Variants in KIF1B observed in about 807,000 individuals in gnomAD.
KIF1B encodes the protein kinesin family member 1B.
KIF1B carries 76 observed loss-of-function variants against 241.9 expected under a neutral mutation model. The observed-to-expected ratio is 0.31, with a 90% CI of 0.26 to 0.38. KIF1B has a LOEUF of 0.38. KIF1B is among the 10% of genes least tolerant of loss of function. The pLI, the probability that KIF1B is intolerant of heterozygous loss-of-function variation, is 1.00. For missense variants in KIF1B, 1,622 were observed against 2,271.4 expected (o/e 0.71, Z 5.81); for synonymous variants, 750 against 796.7 (o/e 0.94, Z 0.99).
chr1:10,304,445 T>G, intron 22 of KIF1B: 1 of 1,611,854 alleles, frequency 6.2e-7, no homozygotes, highest in East Asian at 2.2e-5. Context: ...GTACAGACTT[T>G]CCAGGCAAAG....
chr1:10,248,273 C>A (rs1001797211), intron 2 of KIF1B, among the ~76,000 whole-genome samples: 1 of 151,736 alleles, frequency 6.6e-6, no homozygotes, highest in Non-Finnish European at 1.5e-5. Context: ...AGTAACGGCT[C>A]ACTGTAGCTT....
intron 1 of KIF1B, among the ~76,000 whole-genome samples, chr1:10,218,445 G>A (rs1327661428): frequency 8.6e-5 from 13 of 150,750 alleles, no homozygotes; most frequent in Admixed American, 6.6e-4. Context: ...TTTTGAGACA[G>A]AGTCTCGCTC....
intron 2 of KIF1B, among the ~76,000 whole-genome samples, chr1:10,238,289 G>A (rs1473631936): frequency 1.3e-5 from 2 of 148,808 alleles, no homozygotes; most frequent in Non-Finnish European, 3.0e-5. Flanking sequence ...GCTGAGGCAG[G>A]AGAATAACTT....
At chr1:10,220,441 A>AGATAGATG (rs1200819348) in intron 1 of KIF1B, among the ~76,000 whole-genome samples, 1 of 151,952 alleles carries the variant, frequency 6.6e-6, no homozygotes, top group Non-Finnish European at 1.5e-5. Context: ...ATAGATAGAT[A>AGATAGATG]TGTACTAAAT....
rs1652567327 is a variant in KIF1B at position 10,345,826 on chromosome 1, C to T, written c.3689-19C>T. On this transcript the variant is annotated intron_variant, in intron 34 of 48. Transcript: ENST00000676179. Reference sequence around the variant, plus strand: ...TAGTCTTGGACCAGATTTTGACATACTCTAAAAACTTTTAAAAGTTCCAGC... The same window carrying T: ...TAGTCTTGGACCAGATTTTGACATATTCTAAAAACTTTTAAAAGTTCCAGC... The T allele has an allele frequency of 6.3e-7, 1 of 1,596,838 alleles. No individual in the cohort carries two copies. The highest frequency in any genetic ancestry group is 8.6e-7 in the Non-Finnish European group (1 of 1,164,674).
intron 15 of KIF1B, among the ~76,000 whole-genome samples, chr1:10,286,509 A>G (rs1240876452): frequency 2.0e-5 from 3 of 152,234 alleles, no homozygotes; most frequent in Non-Finnish European, 4.4e-5. Flanking sequence ...AAGCAGCCCA[A>G]GGGCCACATT....
chr1:10,262,355 G>T (rs576934378), intron 5 of KIF1B, among the ~76,000 whole-genome samples: 2 of 152,218 alleles, frequency 1.3e-5, no homozygotes, highest in Non-Finnish European at 2.9e-5. Context: ...TCCCTATGTT[G>T]CCCAGGTTGG....
At position 10,271,482 on chromosome 1, in the gene KIF1B, A is replaced by C; in HGVS notation, c.721-20A>C. 1 of 1,574,590 alleles carries C rather than the reference A, an allele frequency of 6.4e-7. No homozygotes were observed. The highest frequency in any genetic ancestry group is 8.7e-7 in the Non-Finnish European group (1 of 1,143,896). ...TCTTGCTTATTTTTGAATTGCCCCC[A>C]TGTTATTGTTCTTTATCAGGTCAGT... On this transcript the variant is annotated intron_variant, in intron 7 of 48. Coordinates refer to ENST00000676179, the MANE Select transcript of KIF1B (RefSeq NM_001365951.3).
At chr1:10,247,297 G>A (rs1007607773) in intron 2 of KIF1B, among the ~76,000 whole-genome samples, 15 of 152,340 alleles carry the variant, frequency 9.8e-5, no homozygotes, top group African/African-American at 3.6e-4. Context: ...TGGTCTTGCT[G>A]TTCCTTAAAT....
At chr1:10,252,330 G>A (rs569601707) in intron 2 of KIF1B, among the ~76,000 whole-genome samples, 31 of 152,008 alleles carry the variant, frequency 2.0e-4, no homozygotes, top group African/African-American at 7.0e-4. Flanking sequence ...GTGAGTGACC[G>A]TGCCCAGCCA....
chr1:10,284,873 A>G (rs376414567), intron 15 of KIF1B, among the ~76,000 whole-genome samples: 1 of 151,856 alleles, frequency 6.6e-6, no homozygotes, highest in African/African-American at 2.4e-5. Flanking sequence ...AAAAAAAAAC[A>G]AAAACAAAAA....
chr1:10,230,494 G>GGTGC (rs1190158449), intron 1 of KIF1B, among the ~76,000 whole-genome samples: 4 of 149,604 alleles, frequency 2.7e-5, no homozygotes, highest in Non-Finnish European at 5.9e-5. Context: ...GGAGTGCAGT[G>GGTGC]GTGCGATCTC....
At chr1:10,364,589 C>T (rs1295322757) in intron 41 of KIF1B, among the ~76,000 whole-genome samples, 1 of 152,094 alleles carries the variant, frequency 6.6e-6, no homozygotes, top group Non-Finnish European at 1.5e-5. Context: ...TAAATTGCAT[C>T]CCAGTCTTCA....
chr1:10,368,734 A>G (rs1045167424), intron 44 of KIF1B, among the ~76,000 whole-genome samples, 196 bp downstream of exon 44: 1 of 152,220 alleles, frequency 6.6e-6, no homozygotes, highest in Non-Finnish European at 1.5e-5. Flanking sequence ...TTCTGAAGAT[A>G]AAAGTACTCC....
intron 2 of KIF1B, among the ~76,000 whole-genome samples, chr1:10,248,218 C>T (rs759364475): frequency 1.3e-5 from 2 of 151,238 alleles, no homozygotes; most frequent in African/African-American, 2.4e-5. Context: ...GTTGTTGAGA[C>T]AGGGTCTCGT....
Position 10,224,358 on chromosome 1 carries a change from C to T in KIF1B, c.-79-7892C>T, listed in dbSNP as rs184183002. On this transcript the variant is annotated intron_variant, in intron 1 of 48. Coordinates refer to ENST00000676179, the MANE Select transcript of KIF1B (RefSeq NM_001365951.3). The stretch of plus-strand genomic sequence containing the variant: ...GTCTCGATTTCCTGACCTTGTGATC[C>T]GCCCGCCTCAGCCTCCCAAAGTGCT... Among the ~76,000 whole-genome samples the T allele has an allele frequency of 1.5e-3, 231 of 152,128 alleles. 1 individual carries two copies. Among genetic ancestry groups the T allele is most frequent in the African/African-American group, 5.2e-3 (216 of 41,510 alleles).
At chr1:10,275,006 T>C (rs1002660670) in intron 10 of KIF1B, 6 of 330,266 alleles carry the variant, frequency 1.8e-5, no homozygotes, top group African/African-American at 1.1e-4. Flanking sequence ...TTGTTTTCTG[T>C]GTAAGAGAAT....
chr1:10,368,366 G>A (rs560328276), intron 43 of KIF1B, 101 bp from the exon 44 acceptor site: 10 of 902,620 alleles, frequency 1.1e-5, no homozygotes, highest in South Asian at 2.6e-5. Context: ...TGCCCTCCCC[G>A]GGAACTCAGC....
chr1:10,329,456 T>A (rs1009757612), intron 27 of KIF1B, among the ~76,000 whole-genome samples: 1 of 152,182 alleles, frequency 6.6e-6, no homozygotes, highest in Non-Finnish European at 1.5e-5. Context: ...AGTTTCTGGC[T>A]GGGTGCGGTG....
Sources: gnomAD v4.1 joint callset for allele counts (sites outside exome capture counted in the v4.1 genomes callset) on GRCh38, gnomAD v4.1.1 for gene constraint, MANE v1.5 for transcripts, NCBI Gene and HGNC (gene_info 2026-07-23, HGNC 2026-07-21) for gene names.